DZIP3: variants seen among roughly 807,000 people sequenced by gnomAD.
DZIP3 encodes the protein E3 ubiquitin-protein ligase DZIP3.
DZIP3 carries 118 observed loss-of-function variants against 162.0 expected under a neutral mutation model. The observed-to-expected ratio is 0.73, with a 90% CI of 0.63 to 0.85. The LOEUF is 0.85. DZIP3 is among the 40% of genes least tolerant of loss of function. DZIP3 has a pLI of 0.00. For synonymous variants in DZIP3, 438 were observed against 458.6 expected, an observed-to-expected ratio of 0.96 and a Z score of 0.57; for missense variants, 1,331 against 1,407.0, an observed-to-expected ratio of 0.95 and a Z score of 0.86.
At chr3:108,670,136 C>T (rs1435139229) in intron 22 of DZIP3, among the ~76,000 whole-genome samples, 1 of 151,822 alleles carries the variant, frequency 6.6e-6, no homozygotes, top group East Asian at 1.9e-4. Flanking sequence ...TTTTTAATAA[C>T]ACCTTTTTGA....
At chr3:108,623,368 T>C (rs1413064565) in intron 5 of DZIP3, among the ~76,000 whole-genome samples, 1 of 152,104 alleles carries the variant, frequency 6.6e-6, no homozygotes, top group Non-Finnish European at 1.5e-5. Flanking sequence ...GCCCAAGGGC[T>C]CTTTAGTCAG....
chr3:108,627,315 T>G (rs1408912239), intron 7 of DZIP3, among the ~76,000 whole-genome samples: 1 of 152,202 alleles, frequency 6.6e-6, no homozygotes, highest in Non-Finnish European at 1.5e-5. Flanking sequence ...TATGGCAGTA[T>G]CATTACTTTC....
At chr3:108,634,591 T>A (rs142869023) in intron 9 of DZIP3, among the ~76,000 whole-genome samples, 1 of 152,074 alleles carries the variant, frequency 6.6e-6, no homozygotes, top group African/African-American at 2.4e-5. Flanking sequence ...GTAGACACAC[T>A]CACTGGGTTT....
intron 19 of DZIP3, among the ~76,000 whole-genome samples, chr3:108,661,160 A>G (rs1943410314): frequency 6.6e-6 from 1 of 152,222 alleles, no homozygotes. Context: ...ATTATAAATC[A>G]TGCTGCTATA....
intron 27 of DZIP3, among the ~76,000 whole-genome samples, chr3:108,685,785 T>G (rs1944477156): frequency 6.6e-6 from 1 of 152,184 alleles, no homozygotes; most frequent in African/African-American, 2.4e-5. Context: ...AATATAGAAA[T>G]GTAAGCACAT....
intron 19 of DZIP3, among the ~76,000 whole-genome samples, chr3:108,657,000 A>G (rs1943158018): frequency 6.6e-6 from 1 of 152,238 alleles, no homozygotes; most frequent in Non-Finnish European, 1.5e-5. Flanking sequence ...GACCAAATCT[A>G]CGTCTGATTG....
At chr3:108,658,573 T>G (rs538584512) in intron 19 of DZIP3, among the ~76,000 whole-genome samples, 2,880 of 151,456 alleles carry the variant, frequency 0.019, 94 homozygotes, top group African/African-American at 0.067. Flanking sequence ...ACATCACAAT[T>G]AAAAGAACTA....
intron 32 of DZIP3, among the ~76,000 whole-genome samples, chr3:108,692,026 A>T (rs1466763335): frequency 6.6e-6 from 1 of 152,176 alleles, no homozygotes; most frequent in Non-Finnish European, 1.5e-5. Context: ...TTGTCCGCAT[A>T]AATAAGCTCT....
chr3:108,672,639 A>G lies in DZIP3; in HGVS notation c.2572A>G (p.Arg858Gly). The change falls in exon 23 of 33, where the codon AGA becomes GGA. Residue 858 changes from arginine (R) to glycine (G), a missense_variant. This residue lies in a region of DZIP3 where 1,278 missense variants were observed against 1,317.1 expected (regional missense o/e 0.97). Transcript: ENST00000361582. ...AAGCAAACTGAACGCAGAAACTAGC[A>G]GAGCTTTAACAGCCGAGGTAACAAC... ...YVSKLNAETS[R>G]ALTAEVYFLQ... The G allele has an allele frequency of 6.2e-7, 1 of 1,611,848 alleles. No individual in the cohort carries two copies. The highest frequency in any genetic ancestry group is 1.1e-5 in the South Asian group (1 of 90,978).
chr3:108,615,804 A>G (rs1286328814), intron 4 of DZIP3, among the ~76,000 whole-genome samples: 1 of 152,206 alleles, frequency 6.6e-6, no homozygotes, highest in Non-Finnish European at 1.5e-5. Context: ...TTACCCTTGT[A>G]TTGGTATTAA....
rs139732222 is a variant in DZIP3, at chr3:108,591,355, G to A, written c.-73+1516G>A. Reference sequence around the variant, plus strand: ...TTAAGTTCTCAGTGTTACAGTCAGTGCCTCATTGGCAAATGAAGTGATCAG... The same window carrying A: ...TTAAGTTCTCAGTGTTACAGTCAGTACCTCATTGGCAAATGAAGTGATCAG... On this transcript the variant is annotated intron_variant, in intron 1 of 32. Coordinates refer to ENST00000361582, the MANE Select transcript of DZIP3 (RefSeq NM_014648.4). 3.9e-5 allele frequency among the ~76,000 whole-genome samples: 6 copies of A among 152,344 alleles called. No homozygotes were observed. In the East Asian group the frequency reaches 1.2e-3, roughly 29 times the overall value.
intron 19 of DZIP3, among the ~76,000 whole-genome samples, chr3:108,659,529 T>G (rs1943317177): frequency 6.6e-6 from 1 of 152,108 alleles, no homozygotes; most frequent in Admixed American, 6.5e-5. Context: ...ACAGCCAATA[T>G]CATACTGAAT....
At chr3:108,630,687 T>C (rs1272859194) in intron 8 of DZIP3, among the ~76,000 whole-genome samples, 1 of 152,082 alleles carries the variant, frequency 6.6e-6, no homozygotes. Flanking sequence ...CTTGGTTGAT[T>C]TACTCTTTTT....
chr3:108,629,008 C>A, intron 7 of DZIP3, 54 bp from the exon 8 acceptor site: 2 of 1,077,902 alleles, frequency 1.9e-6, no homozygotes, highest in Admixed American at 2.7e-5. Context: ...CATTGGTAAA[C>A]CATGCATCTA....
rs1559752763 is a variant in DZIP3, at chr3:108,644,362, G to T, written c.1340G>T (p.Gly447Val). The T allele has an allele frequency of 6.2e-7, 1 of 1,614,036 alleles. No individual in the cohort carries two copies. Among genetic ancestry groups the T allele is most frequent in the East Asian group, 2.2e-5 (1 of 44,868 alleles). ...NHLWTNHPLG[G>V]SWHLLYPPNK... ...CTTTGGACCAATCATCCTTTGGGTGGATCATGGCATCTGCTTTATCCTCCT... is the reference window on the plus strand; with the variant it reads ...CTTTGGACCAATCATCCTTTGGGTGTATCATGGCATCTGCTTTATCCTCCT... Residue 447 changes from glycine to valine, a missense_variant, in exon 14 of 33, where the codon GGA becomes GTA. By Grantham distance (109) the Gly-to-Val change is moderately radical. This residue lies in a region of DZIP3 where 1,278 missense variants were observed against 1,317.1 expected (regional missense o/e 0.97). Transcript: ENST00000361582.
intron 18 of DZIP3, among the ~76,000 whole-genome samples, chr3:108,653,503 G>GTATA (rs1386798248): frequency 1.9e-3 from 39 of 20,040 alleles, no homozygotes; most frequent in African/African-American, 3.6e-3. Flanking sequence ...CATTGTGTGT[G>GTATA]TGTGTATATA....
chr3:108,608,113 G>A lies in DZIP3; in HGVS notation c.57G>A (p.Arg19=), dbSNP rs140496624. 2.2e-5 allele frequency: 35 copies of A among 1,613,216 alleles called. No individual in the cohort carries two copies. In the African/African-American group the frequency reaches 3.6e-4, roughly 17 times the overall value. The stretch of plus-strand genomic sequence containing the variant: ...GGCATCCTGCTGTGGAGGATCAGAG[G>A]AAGGAAGAAACTGAGAATAAGCTAG... ...FVRHPAVEDQ[R]KEETENKLEK... is the part of the protein sequence containing the mutation. The change falls in exon 3 of 33, where the codon AGG becomes AGA. Residue 19 remains arginine, a synonymous_variant. Coordinates refer to ENST00000361582, the MANE Select transcript of DZIP3 (RefSeq NM_014648.4).
intron 15 of DZIP3, among the ~76,000 whole-genome samples, chr3:108,647,370 T>TA (rs1295047642): frequency 6.6e-6 from 1 of 151,742 alleles, no homozygotes; most frequent in Non-Finnish European, 1.5e-5. Flanking sequence ...AAATTATACT[T>TA]AAAAAAAACA....
intron 5 of DZIP3, among the ~76,000 whole-genome samples, chr3:108,617,253 AT>A (rs1450667522): frequency 6.6e-6 from 1 of 152,208 alleles, no homozygotes; most frequent in East Asian, 1.9e-4. Flanking sequence ...CCTAGAGTAG[AT>A]TTTAAGTATT....
Sources: allele counts gnomAD v4.1 joint callset (sites outside exome capture counted in the v4.1 genomes callset), GRCh38; gene constraint gnomAD v4.1.1; regional missense constraint gnomAD v4.1.1; transcripts MANE v1.5; gene names NCBI Gene and HGNC (gene_info 2026-07-23, HGNC 2026-07-21).